HTR4: variants seen among roughly 807,000 people sequenced by gnomAD.
HTR4 encodes 5-hydroxytryptamine receptor 4.
A neutral mutation model predicts 36.8 loss-of-function variants in HTR4; 16 were observed. The observed-to-expected ratio is 0.43, with a 90% CI of 0.29 to 0.66. The LOEUF is 0.66. Ranked by LOEUF, HTR4 falls within the 30% of genes least tolerant of loss-of-function variation. The pLI, the probability that HTR4 is intolerant of heterozygous loss-of-function variation, is 0.13. For synonymous variants in HTR4, 189 were observed against 185.1 expected, an observed-to-expected ratio of 1.02 and a Z score of -0.17; for missense variants, 438 against 490.9, an observed-to-expected ratio of 0.89 and a Z score of 1.02.
At chr5:148,457,851 AATATC>A (rs1168281619) in intron 5 of HTR4, among the ~76,000 whole-genome samples, 1 of 141,008 alleles carries the variant, frequency 7.1e-6, no homozygotes, top group Non-Finnish European at 1.5e-5. Flanking sequence ...ATATCATTAA[AATATC>A]ATATATTTTG....
At chr5:148,456,204 C>A (rs1164832056) in intron 5 of HTR4, among the ~76,000 whole-genome samples, 3 of 152,120 alleles carry the variant, frequency 2.0e-5, no homozygotes, top group Admixed American at 2.0e-4. Context: ...ATTCCCAAGT[C>A]TGCATGATTC....
At chr5:148,564,368 C>A (rs914935997) in intron 2 of HTR4, among the ~76,000 whole-genome samples, 1 of 152,134 alleles carries the variant, frequency 6.6e-6, no homozygotes, top group Non-Finnish European at 1.5e-5. Context: ...TTCCATTGTA[C>A]CCTATAATTA....
intron 2 of HTR4, among the ~76,000 whole-genome samples, chr5:148,563,540 A>G (rs1760307391): frequency 6.6e-6 from 1 of 152,182 alleles, no homozygotes; most frequent in Non-Finnish European, 1.5e-5. Flanking sequence ...CCTTTTTGGT[A>G]CTGTTTTACA....
intron 1 of HTR4, among the ~76,000 whole-genome samples, chr5:148,639,762 A>G (rs1019462544): frequency 9.0e-4 from 137 of 151,830 alleles, no homozygotes; most frequent in African/African-American, 3.2e-3. Flanking sequence ...AATGCCTGGT[A>G]TATTGTGTCC....
Position 148,502,494 on chromosome 5 carries a change from CTG to C in HTR4, c.1076+6960_1076+6961del, listed in dbSNP as rs1052374785. 5.3e-5 allele frequency among the ~76,000 whole-genome samples: 8 copies of C among 152,186 alleles called. 1 individual carries two copies. Among genetic ancestry groups the C allele is most frequent in the Non-Finnish European group, 1.2e-4 (8 of 68,024 alleles). ...AAGGACATCCACACCAAAACCCCAT[CTG>C]TACGTCACTATGATCAAAGACAAAG... On this transcript the variant is annotated intron_variant, in intron 6 of 6. Coordinates refer to ENST00000377888, the MANE Select transcript of HTR4 (RefSeq NM_000870.7).
intron 5 of HTR4, among the ~76,000 whole-genome samples, chr5:148,457,337 G>C (rs1755123864): frequency 6.6e-6 from 1 of 152,020 alleles, no homozygotes; most frequent in African/African-American, 2.4e-5. Context: ...CTTCAAGCTG[G>C]GTTGCTTCCC....
At chr5:148,572,010 G>T (rs1488997808) in intron 2 of HTR4, among the ~76,000 whole-genome samples, 1 of 152,028 alleles carries the variant, frequency 6.6e-6, no homozygotes, top group Non-Finnish European at 1.5e-5. Context: ...TAATTCTTAA[G>T]GTAGAAATGT....
At chr5:148,582,620 GAGCCCAATAC>G (rs1342848726) in intron 2 of HTR4, among the ~76,000 whole-genome samples, 2 of 152,064 alleles carry the variant, frequency 1.3e-5, no homozygotes, top group African/African-American at 4.8e-5. Context: ...CTTTTAAAAT[GAGCCCAATAC>G]AGAGTCTCCT....
intron 5 of HTR4, among the ~76,000 whole-genome samples, chr5:148,512,118 T>C (rs1371140253): frequency 6.6e-6 from 1 of 152,196 alleles, no homozygotes; most frequent in African/African-American, 2.4e-5. Context: ...GGTAAAATAT[T>C]GCCTAGATCT....
At chr5:148,583,197 T>C (rs922491769) in intron 2 of HTR4, among the ~76,000 whole-genome samples, 44 of 151,904 alleles carry the variant, frequency 2.9e-4, no homozygotes, top group African/African-American at 9.9e-4. Flanking sequence ...GATAATCATG[T>C]GGTTTTTGTC....
downstream of HTR4, chr5:148,481,535 CT>C (rs746300490): frequency 5.1e-4 from 731 of 1,419,832 alleles, no homozygotes; most frequent in Admixed American, 1.5e-3. Context: ...GACAGAGAGG[CT>C]TTTTTTTTTC....
intron 4 of HTR4, among the ~76,000 whole-genome samples, chr5:148,536,213 C>T (rs1758817335): frequency 6.6e-6 from 1 of 152,102 alleles, no homozygotes; most frequent in Admixed American, 6.6e-5. Flanking sequence ...ACCAGACCTG[C>T]TTTACAAGAG....
At position 148,623,931 on chromosome 5, in the gene HTR4, G is replaced by A. The variant is rs371258556; in HGVS notation, c.26+13058C>T. Among the ~76,000 whole-genome samples the A allele has an allele frequency of 2.1e-4, 31 of 151,106 alleles. No homozygotes were observed. The South Asian group carries it at 3.2e-3, about 15-fold the overall frequency. On this transcript the variant is annotated intron_variant, in intron 2 of 6. Coordinates refer to ENST00000377888, the MANE Select transcript of HTR4 (RefSeq NM_000870.7). ...TTATTAAAAGGGCGTTCCCCCTCCC[G>A]GATTTTCTTGGAGGGTTCCTGAATC...
chr5:148,617,348 C>G (rs1282363405), intron 2 of HTR4, among the ~76,000 whole-genome samples: 1 of 152,234 alleles, frequency 6.6e-6, no homozygotes, highest in Non-Finnish European at 1.5e-5. Flanking sequence ...GACTACCCAA[C>G]CATGAGCCAA....
At chr5:148,495,498 C>T (rs17108325) in intron 6 of HTR4, among the ~76,000 whole-genome samples, 2,199 of 152,262 alleles carry the variant, frequency 0.014, 57 homozygotes, top group African/African-American at 0.05. Flanking sequence ...ATCCTCTTGT[C>T]AAGTCCTACA....
At chr5:148,466,113 T>C (rs1755420044) in intron 5 of HTR4, among the ~76,000 whole-genome samples, 1 of 152,202 alleles carries the variant, frequency 6.6e-6, no homozygotes, top group South Asian at 2.1e-4. Context: ...AACATGGTTA[T>C]GCCACAGTGT....
In HTR4 at chr5:148,548,712, G is replaced by A. The variant is rs1342467879; in HGVS notation, c.309C>T (p.Leu103=). The change falls in exon 4 of 7, where the codon CTC becomes CTT. Residue 103 remains leucine, a synonymous_variant. Transcript: ENST00000377888. The stretch of plus-strand genomic sequence containing the variant: ...ACAGGTGAAAAATCGATGCCGTTGT[G>A]AGCAGGACGTCCAGAGATGTCCGAA... The part of the protein sequence containing the change: ...CLVRTSLDVL[L]TTASIFHLCC... 2.5e-6 allele frequency: 4 copies of A among 1,611,664 alleles called. No individual in the cohort carries two copies. Among genetic ancestry groups the A allele is most frequent in the East Asian group, 2.2e-5 (1 of 44,630 alleles).
Position 148,509,551 on chromosome 5 carries a change from G to A in HTR4, c.981C>T (p.Leu327=), listed in dbSNP as rs1217615712. Residue 327 remains leucine, a synonymous_variant, in exon 6 of 7, where the codon CTC becomes CTT. Transcript: ENST00000377888. ...KSFRRAFLII[L]CCDDERYRRP... The stretch of plus-strand genomic sequence containing the variant: ...TTCGGTAGCGCTCATCATCACAGCA[G>A]AGGATGATGAGGAAGGCACGTCTAA... 1.2e-6 allele frequency: 2 copies of A among 1,613,854 alleles called. No individual in the cohort carries two copies. Among genetic ancestry groups the A allele is most frequent in the Non-Finnish European group, 8.5e-7 (1 of 1,179,782 alleles).
intron 2 of HTR4, among the ~76,000 whole-genome samples, chr5:148,572,850 G>A (rs1044544850): frequency 2.0e-5 from 3 of 152,070 alleles, no homozygotes; most frequent in Non-Finnish European, 4.4e-5. Context: ...CAGGCCACAG[G>A]CAGGCTATGG....
Sources: gnomAD v4.1 joint callset for allele counts (sites outside exome capture counted in the v4.1 genomes callset) on GRCh38, gnomAD v4.1.1 for gene constraint, MANE v1.5 for transcripts, NCBI Gene and HGNC (gene_info 2026-07-23, HGNC 2026-07-21) for gene names.